The following AKAP6 variants were observed in gnomAD, a reference collection of about 807,000 sequenced individuals.
AKAP6 encodes the protein A-kinase anchoring protein 6.
A neutral mutation model predicts 188.5 loss-of-function variants in AKAP6; 58 were observed. The ratio of observed to expected loss-of-function variants is 0.31; its 90% CI spans 0.25 to 0.38. The LOEUF is 0.38. Among genes scored for constraint, AKAP6 ranks in the 10% least tolerant of loss-of-function variants. The probability of loss-of-function intolerance (pLI) is 1.00; values close to 1 mark genes in which losing one functional copy is unlikely to be tolerated. For missense variants in AKAP6, 2,710 were observed against 2,740.0 expected (o/e 0.99, Z 0.24); for synonymous variants, 989 against 998.6 (o/e 0.99, Z 0.18).
chr14:32,499,328 CAAAAA>C (rs71432061), intron 2 of AKAP6, among the ~76,000 whole-genome samples: 8 of 111,094 alleles, frequency 7.2e-5, no homozygotes, highest in Non-Finnish European at 1.3e-4. Flanking sequence ...AGTGTAACAG[CAAAAA>C]AAAAAAAAAA....
Position 32,642,865 on chromosome 14 carries a change from T to G in AKAP6, c.2731-35446T>G, listed in dbSNP as rs571909302. Among the ~76,000 whole-genome samples, 5 of 152,274 alleles carry G rather than the reference T, an allele frequency of 3.3e-5. No individual in the cohort carries two copies. The South Asian group carries it at 1.0e-3, about 32-fold the overall frequency. On this transcript the variant is annotated intron_variant, in intron 7 of 13. Transcript: ENST00000280979. ...TGGATATGCCTTTGTGTGTATAAAT[T>G]TATACATGAAGCACAGTTAAAGTAT...
chr14:32,616,000 G>A (rs994659216), intron 7 of AKAP6, among the ~76,000 whole-genome samples: 1 of 152,062 alleles, frequency 6.6e-6, no homozygotes, highest in Non-Finnish European at 1.5e-5. Flanking sequence ...TGACTTCTTG[G>A]TTACCAAATA....
At chr14:32,807,683 C>T (rs924601265) in intron 12 of AKAP6, among the ~76,000 whole-genome samples, 2 of 152,126 alleles carry the variant, frequency 1.3e-5, no homozygotes, top group Non-Finnish European at 2.9e-5. Flanking sequence ...CATTCCATTT[C>T]TCGAGTTTTA....
At chr14:32,653,470 A>G (rs1333428149) in intron 7 of AKAP6, among the ~76,000 whole-genome samples, 2 of 151,808 alleles carry the variant, frequency 1.3e-5, no homozygotes, top group African/African-American at 2.4e-5. Flanking sequence ...TCACTCTCTC[A>G]CTTGCTCCTG....
chr14:32,388,772 CA>C (rs1294204639), intron 1 of AKAP6, among the ~76,000 whole-genome samples: 2 of 152,002 alleles, frequency 1.3e-5, no homozygotes, highest in Non-Finnish European at 2.9e-5. Flanking sequence ...TGTGACCTAT[CA>C]TATGGTCTAT....
In AKAP6 at chr14:32,546,911, A is replaced by G; in HGVS notation, c.2258A>G (p.His753Arg). The change falls in exon 4 of 14, where the codon CAT (histidine) becomes CGT (arginine). Residue 753 changes from histidine (H) to arginine (R), a missense_variant. Transcript: ENST00000280979. ...TCATCCTCTGAGAAAAATGAGAGCC[A>G]TTCTGCCACTAAATCAGCTTTAATT... ...RASSSEKNES[H>R]SATKSALIQK... The G allele has an allele frequency of 1.2e-6, 2 of 1,613,760 alleles. No homozygotes were observed. Among genetic ancestry groups the G allele is most frequent in the Non-Finnish European group, 8.5e-7 (1 of 1,180,014 alleles).
chr14:32,372,284 A>ATT, intron 1 of AKAP6, among the ~76,000 whole-genome samples: 1 of 149,124 alleles, frequency 6.7e-6, no homozygotes, highest in African/African-American at 2.5e-5. Context: ...CTTGTGATGC[A>ATT]TTTTTTTTTT....
chr14:32,823,463 A>C lies in AKAP6; in HGVS notation c.5650A>C (p.Lys1884Gln). The change falls in exon 13 of 14, where the codon AAA becomes CAA. Residue 1884 changes from lysine (K) to glutamine (Q), a missense_variant. Lys to Gln is a moderately conservative substitution (Grantham distance 53). Transcript: ENST00000280979. ...TKRENKKTIF[K>Q]VNKDPYVADM... is the part of the protein sequence containing the mutation. ...GCGTGAAAATAAGAAAACTATTTTC[A>C]AAGTTAATAAAGATCCATATGTGGC... 6.2e-7 allele frequency: 1 copy of C among 1,613,508 alleles called. No individual in the cohort carries two copies. The highest frequency in any genetic ancestry group is 8.5e-7 in the Non-Finnish European group (1 of 1,179,864).
chr14:32,709,209 A>G (rs2139744323), intron 9 of AKAP6, among the ~76,000 whole-genome samples: 1 of 152,184 alleles, frequency 6.6e-6, no homozygotes, highest in Admixed American at 6.6e-5. Context: ...GGATACCATG[A>G]GTAATGCCAG....
At chr14:32,634,931 G>A (rs939886474) in intron 7 of AKAP6, among the ~76,000 whole-genome samples, 2 of 151,652 alleles carry the variant, frequency 1.3e-5, no homozygotes, top group Admixed American at 6.6e-5. Context: ...TGGGGAACGG[G>A]TGGTGATTAG....
intron 10 of AKAP6, 52 bp from the exon 11 acceptor site, chr14:32,735,606 G>T (rs527546083): frequency 7.1e-5 from 93 of 1,318,126 alleles, no homozygotes; most frequent in African/African-American, 2.4e-4. Flanking sequence ...TGTTCGTGGG[G>T]TTTTTTTTTG....
intron 1 of AKAP6, among the ~76,000 whole-genome samples, chr14:32,361,498 A>T (rs1017987879): frequency 6.6e-6 from 1 of 152,204 alleles, no homozygotes; most frequent in Non-Finnish European, 1.5e-5. Context: ...TACAAAGCAC[A>T]GTAAGTAGTG....
At chr14:32,693,864 G>A (rs900409914) in intron 8 of AKAP6, 2 of 152,136 alleles carry the variant, frequency 1.3e-5, no homozygotes, top group Admixed American at 6.6e-5. Flanking sequence ...TGTAATTCAG[G>A]AAGTATTTCT....
At chr14:32,394,382 G>T (rs1384738368) in intron 1 of AKAP6, among the ~76,000 whole-genome samples, 1 of 152,148 alleles carries the variant, frequency 6.6e-6, no homozygotes, top group Non-Finnish European at 1.5e-5. Flanking sequence ...TAACTTTAGG[G>T]AGATAAAGGT....
intron 2 of AKAP6, among the ~76,000 whole-genome samples, chr14:32,502,552 G>A (rs913852110): frequency 2.6e-5 from 4 of 152,132 alleles, no homozygotes; most frequent in African/African-American, 9.6e-5. Context: ...ATACTCCAAT[G>A]CAGAGAGCTG....
chr14:32,473,814 G>A (rs1878910133), intron 2 of AKAP6: 1 of 152,252 alleles, frequency 6.6e-6, no homozygotes, highest in South Asian at 2.1e-4. Flanking sequence ...TCTTCGTTTG[G>A]TTAATAGTTA....
intron 1 of AKAP6, among the ~76,000 whole-genome samples, chr14:32,363,461 C>T (rs1887728799): frequency 1.3e-5 from 2 of 152,186 alleles, no homozygotes; most frequent in East Asian, 1.9e-4. Context: ...AGTCCCAAAA[C>T]CTCAAAGGTT....
In AKAP6 at chr14:32,660,927, C is replaced by G. The variant is rs867284047; in HGVS notation, c.2731-17384C>G. Among the ~76,000 whole-genome samples, 37 of 83,432 alleles carry G rather than the reference C, an allele frequency of 4.4e-4. 2 individuals carry two copies. The highest frequency in any genetic ancestry group is 1.9e-3 in the African/African-American group (34 of 18,020). The allele number at this position is 83,432 out of a possible 152,430, so 54.7% of individuals were successfully genotyped here. A position where few individuals can be genotyped will look rare whatever the true frequency, so the allele number is the denominator to read the frequency against. Reference sequence around the variant, plus strand: ...TCTATATATTTTCTTCCCCGCCACCCCCCCCCCTCCCAATTCCAGCCATTT... The same window carrying G: ...TCTATATATTTTCTTCCCCGCCACCGCCCCCCCTCCCAATTCCAGCCATTT... On this transcript the variant is annotated intron_variant, in intron 7 of 13. Coordinates refer to ENST00000280979, the MANE Select transcript of AKAP6 (RefSeq NM_004274.5).
intron 12 of AKAP6, among the ~76,000 whole-genome samples, chr14:32,818,225 A>G (rs896936566): frequency 5.9e-5 from 9 of 152,204 alleles, no homozygotes; most frequent in Non-Finnish European, 1.2e-4. Context: ...TAAGAGGTTT[A>G]TAAGAGCAGA....
Sources: gnomAD v4.1 joint callset for allele counts (sites outside exome capture counted in the v4.1 genomes callset) on GRCh38, gnomAD v4.1.1 for gene constraint, MANE v1.5 for transcripts, NCBI Gene and HGNC (gene_info 2026-07-23, HGNC 2026-07-21) for gene names.